INSL6: variants seen among roughly 807,000 people sequenced by gnomAD.
The protein encoded by INSL6 is insulin like 6, also known as insulin-like peptide INSL6.
In INSL6, 16 loss-of-function variants were observed where a neutral mutation model predicts 9.4. The observed-to-expected ratio is 1.70, with a 90% CI of 1.15 to 2.59. The LOEUF is 2.59. Ranked by LOEUF, INSL6 falls within the 30% of genes most tolerant of loss-of-function variation. INSL6 has a pLI of 0.00. For missense variants in INSL6, 391 were observed against 257.3 expected (o/e 1.52, Z -3.56); for synonymous variants, 154 against 96.9 (o/e 1.59, Z -3.46).
At chr9:5,161,956 G>C (rs1330320048), downstream of INSL6, among the ~76,000 whole-genome samples, 1 of 152,000 alleles carries the variant, frequency 6.6e-6, no homozygotes, top group African/African-American at 2.4e-5. Flanking sequence ...GTATGAACCT[G>C]TAGTCCTGGC....
the INSL6 span, chr9:5,114,266 C>G: frequency 3.7e-6 from 2 of 544,356 alleles, no homozygotes; most frequent in Admixed American, 4.2e-5. Context: ...TGGTGGTGGA[C>G]CTGGCACCCA....
the INSL6 span, chr9:5,091,020 T>C: frequency 1.3e-6 from 1 of 796,264 alleles, no homozygotes; most frequent in Non-Finnish European, 1.9e-6. Context: ...AGTGAACATT[T>C]AAGTCTTTTA....
intron 1 of INSL6, among the ~76,000 whole-genome samples, chr9:5,174,534 T>C (rs894006457): frequency 6.6e-6 from 1 of 152,222 alleles, no homozygotes; most frequent in South Asian, 2.1e-4. Flanking sequence ...CTTTTCTGTT[T>C]CCTTTACAAG....
chr9:5,128,936 G>C (rs959385669), intron 3 of INSL6, among the ~76,000 whole-genome samples: 1 of 151,950 alleles, frequency 6.6e-6, no homozygotes, highest in Admixed American at 6.6e-5. Flanking sequence ...AGTATATTAA[G>C]TTATACAATC....
chr9:5,032,825 A>G, the INSL6 span, among the ~76,000 whole-genome samples: 1 of 152,218 alleles, frequency 6.6e-6, no homozygotes, highest in Non-Finnish European at 1.5e-5. Flanking sequence ...TGGAAACTCT[A>G]AAAATGAGAG....
At chr9:5,040,983 A>G in the INSL6 span, 1 of 615,934 alleles carries the variant, frequency 1.6e-6, no homozygotes, top group Non-Finnish European at 3.0e-6. Flanking sequence ...TGGCTATCAA[A>G]TTGGAGCTGA....
the INSL6 span, among the ~76,000 whole-genome samples, chr9:5,075,201 G>C: frequency 5.9e-5 from 9 of 151,764 alleles, no homozygotes; most frequent in Non-Finnish European, 1.0e-4. Context: ...TAAGTGCAAG[G>C]TGAAGCAGCA....
chr9:5,038,797 A>G, the INSL6 span, among the ~76,000 whole-genome samples: 3 of 152,136 alleles, frequency 2.0e-5, no homozygotes, highest in Non-Finnish European at 4.4e-5. Context: ...TTATAAAAAG[A>G]TGAAATACTA....
chr9:5,135,693 T>A (rs567334063), intron 2 of INSL6, among the ~76,000 whole-genome samples: 2 of 152,098 alleles, frequency 1.3e-5, no homozygotes, highest in South Asian at 4.2e-4. Context: ...ATTGACACCC[T>A]AACATCACAA....
At chr9:5,136,676 CA>C (rs1325015824) in intron 2 of INSL6, among the ~76,000 whole-genome samples, 2 of 152,108 alleles carry the variant, frequency 1.3e-5, no homozygotes, top group African/African-American at 4.8e-5. Context: ...ACTGAACGGG[CA>C]AAAACTGGAA....
At chr9:5,123,803 G>A (rs565763408), downstream of INSL6, among the ~76,000 whole-genome samples, 1 of 151,516 alleles carries the variant, frequency 6.6e-6, no homozygotes, top group South Asian at 2.1e-4. Context: ...CCACACCCTT[G>A]CCAACATCTG....
the INSL6 span, chr9:5,112,069 TG>T: frequency 2.5e-6 from 1 of 398,810 alleles, no homozygotes; most frequent in South Asian, 1.9e-5. Flanking sequence ...CTCCACGGCC[TG>T]GAGAGTAAGA....
At chr9:5,055,660 T>C in the INSL6 span, 2 of 1,547,492 alleles carry the variant, frequency 1.3e-6, no homozygotes, top group Admixed American at 1.8e-5. Context: ...TACATGCTTT[T>C]AATTATAGGA....
At chr9:5,078,531 C>A in the INSL6 span, 1 of 978,954 alleles carries the variant, frequency 1.0e-6, no homozygotes, top group Non-Finnish European at 1.5e-6. Context: ...TCCTTGAATT[C>A]CATTTAATTT....
intron 1 of INSL6, among the ~76,000 whole-genome samples, chr9:5,184,722 AC>A (rs781434592): frequency 5.7e-4 from 86 of 152,208 alleles, no homozygotes; most frequent in Admixed American, 2.0e-3. Context: ...AAGTACGTAA[AC>A]TCTTAAATGA....
At chr9:5,131,780 C>T (rs1029576905) in intron 3 of INSL6, among the ~76,000 whole-genome samples, 6 of 152,024 alleles carry the variant, frequency 3.9e-5, no homozygotes, top group African/African-American at 1.5e-4. Flanking sequence ...GTATATAAGC[C>T]GTCATGTGCA....
At chr9:5,152,865 G>A (rs1824738327) in intron 2 of INSL6, among the ~76,000 whole-genome samples, 1 of 152,150 alleles carries the variant, frequency 6.6e-6, no homozygotes, top group African/African-American at 2.4e-5. Flanking sequence ...ATCTCATTGG[G>A]ACTGGTTAGA....
the INSL6 span, chr9:5,050,909 C>T: frequency 1.6e-5 from 20 of 1,269,954 alleles, 1 homozygote; most frequent in South Asian, 2.6e-4. Context: ...TCTGTGTTTA[C>T]CCATGCCTTT....
At chr9:5,021,879 C>T in the INSL6 span, 459 of 715,592 alleles carry the variant, frequency 6.4e-4, 2 homozygotes, top group East Asian at 3.2e-4. Flanking sequence ...GCTATCTGCC[C>T]GCCTCGGCCC....
Sources: allele counts gnomAD v4.1 joint callset (sites outside exome capture counted in the v4.1 genomes callset), GRCh38; gene constraint gnomAD v4.1.1; transcripts MANE v1.5; gene names NCBI Gene and HGNC (gene_info 2026-07-23, HGNC 2026-07-21).